Variants in IL36G observed in about 807,000 individuals in gnomAD.
IL36G encodes interleukin-36 gamma.
In IL36G, 10 loss-of-function variants were observed where a neutral mutation model predicts 13.5. That is an observed-to-expected ratio of 0.74 (90% confidence interval 0.46 to 1.26). The LOEUF (loss-of-function observed/expected upper bound fraction) is 1.26, where lower values mean the gene tolerates loss of function less well. Among genes scored for constraint, IL36G ranks in the 50% most tolerant of loss-of-function variants. The probability of loss-of-function intolerance (pLI) is 0.00; values close to 1 mark genes in which losing one functional copy is unlikely to be tolerated. For missense variants in IL36G, 199 were observed against 203.0 expected, an observed-to-expected ratio of 0.98 and a Z score of 0.12; for synonymous variants, 84 against 74.0, an observed-to-expected ratio of 1.13 and a Z score of -0.69.
Position 112,985,161 on chromosome 2 carries a change from A to G in IL36G, c.*112A>G. ...TCACGCTGGTGCTGAGACAGGGGCA[A>G]GGCTGCTGTTATCATCTCATTTTAT... is the stretch of plus-strand genomic sequence containing the variant. On this transcript the variant is annotated 3_prime_UTR_variant, in exon 5 of 5. Transcript: ENST00000259205. The G allele has an allele frequency of 1.5e-6, 1 of 679,146 alleles. No individual in the cohort carries two copies. The highest frequency in any genetic ancestry group is 2.5e-6 in the Non-Finnish European group (1 of 400,214). The allele number at this position is 679,146 out of a possible 1,614,324, so 42.1% of individuals were successfully genotyped here.
At chr2:112,980,475 G>C (rs1281228332) in intron 4 of IL36G, among the ~76,000 whole-genome samples, 1 of 152,098 alleles carries the variant, frequency 6.6e-6, no homozygotes, top group African/African-American at 2.4e-5. Context: ...CTTGTTCAAA[G>C]GACTACCAAA....
rs187067341 is a variant in IL36G at position 112,981,860 on chromosome 2, T to C, written c.300+1712T>C. Among the ~76,000 whole-genome samples, 83 of 152,330 alleles carry C rather than the reference T, an allele frequency of 5.4e-4. 1 individual carries two copies. The Middle Eastern group carries it at 0.027, about 50-fold the overall frequency. On this transcript the variant is annotated intron_variant, in intron 4 of 4. Coordinates refer to ENST00000259205, the MANE Select transcript of IL36G (RefSeq NM_019618.4). ...CTCTTTTAATTCCCAAGCTCTCTGGTTTGTTCTTTTTTTATTTTTTAATGA... is the reference window on the plus strand; with the variant it reads ...CTCTTTTAATTCCCAAGCTCTCTGGCTTGTTCTTTTTTTATTTTTTAATGA...
At chr2:112,984,466 C>T (rs1684317913) in intron 4 of IL36G, among the ~76,000 whole-genome samples, 1 of 152,126 alleles carries the variant, frequency 6.6e-6, no homozygotes, top group East Asian at 1.9e-4. Flanking sequence ...GTGGTTCTTG[C>T]AGGGTAGTGA....
At chr2:112,980,694 C>A (rs561148022) in intron 4 of IL36G, among the ~76,000 whole-genome samples, 76 of 152,314 alleles carry the variant, frequency 5.0e-4, no homozygotes, top group African/African-American at 1.8e-3. Flanking sequence ...TTGACAGGTG[C>A]CATCTCAGTG....
intron 3 of IL36G, among the ~76,000 whole-genome samples, chr2:112,979,647 G>C (rs1308778917): frequency 6.6e-6 from 1 of 152,204 alleles, no homozygotes; most frequent in African/African-American, 2.4e-5. Flanking sequence ...AGAAAGGCAG[G>C]TTTCAGCATC....
Position 112,985,351 on chromosome 2 carries a change from T to C in IL36G, c.*302T>C, listed in dbSNP as rs1243516806. 2 of 337,918 alleles carry C rather than the reference T, an allele frequency of 5.9e-6. No homozygotes were observed. The highest frequency in any genetic ancestry group is 2.1e-5 in the African/African-American group (1 of 48,030). The allele number at this position is 337,918 out of a possible 1,614,324, so 20.9% of individuals were successfully genotyped here. On this transcript the variant is annotated 3_prime_UTR_variant, in exon 5 of 5. Coordinates refer to ENST00000259205, the MANE Select transcript of IL36G (RefSeq NM_019618.4). ...CTCAAAGACCAAACACTGAGCTTTC[T>C]TCTAGGGGTGGGTATGAAGATGCTT...
At chr2:112,978,261 C>T (rs774091570) in intron 1 of IL36G, among the ~76,000 whole-genome samples, 183 bp downstream of exon 1, 1 of 152,172 alleles carries the variant, frequency 6.6e-6, no homozygotes, top group Non-Finnish European at 1.5e-5. Flanking sequence ...TGGGACCCTC[C>T]CCTGCTCCTA....
intron 2 of IL36G, among the ~76,000 whole-genome samples, chr2:112,978,931 G>C (rs1464878183): frequency 6.6e-6 from 1 of 152,214 alleles, no homozygotes; most frequent in African/African-American, 2.4e-5. Context: ...AAAGAGGGTA[G>C]CTGGGCCTTG....
chr2:112,978,795 C>T (rs1344705254), intron 2 of IL36G, 102 bp downstream of exon 2: 4 of 1,153,900 alleles, frequency 3.5e-6, no homozygotes, highest in Admixed American at 1.9e-5. Context: ...TCTCTGTACA[C>T]TGCCCTTCCC....
chr2:112,978,501 C>T (rs1331181954), intron 1 of IL36G, 119 bp from the exon 2 acceptor site: 2 of 763,508 alleles, frequency 2.6e-6, no homozygotes, highest in Non-Finnish European at 4.6e-6. Context: ...CTGCCCAGAG[C>T]TTCGTGTCAG....
intron 3 of IL36G, 71 bp from the exon 4 acceptor site, chr2:112,979,938 G>A (rs937751618): frequency 1.3e-6 from 2 of 1,497,832 alleles, no homozygotes; most frequent in African/African-American, 2.8e-5. Context: ...TGAGGATACT[G>A]CCCTGCTAAA....
intron 4 of IL36G, chr2:112,981,316 C>T (rs746870949): frequency 1.0e-6 from 1 of 956,566 alleles, no homozygotes; most frequent in Non-Finnish European, 1.7e-6. Context: ...CATTTTTAGG[C>T]TTGGCCTCTG....
Position 112,985,228 on chromosome 2 carries a change from G to C in IL36G, c.*179G>C. ...TTACTTCATAGCAACTGAAGAACAGGATGTGGCCTCAGAAGCAGGAGAGCT... is the reference window on the plus strand; with the variant it reads ...TTACTTCATAGCAACTGAAGAACAGCATGTGGCCTCAGAAGCAGGAGAGCT... On this transcript the variant is annotated 3_prime_UTR_variant, in exon 5 of 5. Coordinates refer to ENST00000259205, the MANE Select transcript of IL36G (RefSeq NM_019618.4). The C allele has an allele frequency of 1.7e-6, 1 of 591,102 alleles. No homozygotes were observed. Among genetic ancestry groups the C allele is most frequent in the Non-Finnish European group, 3.0e-6 (1 of 334,310 alleles). 36.6% of individuals were successfully genotyped at this position (591,102 alleles called of 1,614,324 possible). A position where few individuals can be genotyped will look rare whatever the true frequency, so the allele number is the denominator to read the frequency against.
At chr2:112,982,631 G>A (rs1377945769) in intron 4 of IL36G, among the ~76,000 whole-genome samples, 3 of 152,100 alleles carry the variant, frequency 2.0e-5, no homozygotes, top group African/African-American at 7.2e-5. Context: ...TTAAGTGGAG[G>A]AAACAGGATT....
intron 4 of IL36G, among the ~76,000 whole-genome samples, chr2:112,981,767 T>A (rs1287915208): frequency 6.6e-6 from 1 of 152,236 alleles, no homozygotes; most frequent in Non-Finnish European, 1.5e-5. Context: ...CAGCTCATGG[T>A]TACATTTTCA....
intron 4 of IL36G, among the ~76,000 whole-genome samples, chr2:112,981,874 AT>A (rs889640979): frequency 2.4e-4 from 36 of 151,530 alleles, no homozygotes; most frequent in Non-Finnish European, 4.6e-4. Flanking sequence ...TTCTTTTTTT[AT>A]TTTTTAATGA....
intron 4 of IL36G, chr2:112,981,295 C>A (rs1482955094): frequency 5.7e-5 from 69 of 1,201,444 alleles, no homozygotes; most frequent in Non-Finnish European, 8.0e-5. Flanking sequence ...TCTCTCCCTT[C>A]TTTGCAGGGG....
At chr2:112,984,621 C>G (rs187320705) in intron 4 of IL36G, among the ~76,000 whole-genome samples, 128 of 152,284 alleles carry the variant, frequency 8.4e-4, no homozygotes, top group African/African-American at 2.8e-3. Context: ...TTGTAAACTT[C>G]CTACACCATC....
intron 4 of IL36G, among the ~76,000 whole-genome samples, chr2:112,983,141 G>C (rs1431969643): frequency 6.6e-6 from 1 of 152,092 alleles, no homozygotes; most frequent in African/African-American, 2.4e-5. Flanking sequence ...GGTGCCATGT[G>C]CTGGGAGCCC....
Sources: gnomAD v4.1 joint callset for allele counts (sites outside exome capture counted in the v4.1 genomes callset) on GRCh38, gnomAD v4.1.1 for gene constraint, MANE v1.5 for transcripts, NCBI Gene and HGNC (gene_info 2026-07-23, HGNC 2026-07-21) for gene names.